The following NUP210 variants were observed in gnomAD, a reference collection of about 807,000 sequenced individuals.
NUP210 encodes the protein nuclear pore membrane glycoprotein 210.
In NUP210, 151 loss-of-function variants were observed where a neutral mutation model predicts 196.0. The ratio of observed to expected loss-of-function variants is 0.77; its 90% CI spans 0.67 to 0.88. The LOEUF (loss-of-function observed/expected upper bound fraction) is 0.88, where lower values mean the gene tolerates loss of function less well. Among genes scored for constraint, NUP210 ranks in the 40% least tolerant of loss-of-function variants. NUP210 has a pLI of 0.00. For missense variants in NUP210, 2,314 were observed against 2,493.7 expected, an observed-to-expected ratio of 0.93 and a Z score of 1.53; for synonymous variants, 1,070 against 1,052.7, an observed-to-expected ratio of 1.02 and a Z score of -0.32.
chr3:13,348,302 A>G lies in NUP210; in HGVS notation c.2835+3577T>C, dbSNP rs1697830270. ...TCCAGAGACAGGGAGCTCACTACCT[A>G]CAGCGGCAGCCTAGTCCATCACCGA... On this transcript the variant is annotated intron_variant, in intron 20 of 39. Transcript: ENST00000254508. This position sits in a 1 kb window ranked among gnomAD's most constrained non-coding sequence, Gnocchi z 4.0. 3.6e-6 allele frequency: 3 copies of G among 842,928 alleles called. No individual in the cohort carries two copies. 52.2% of individuals were successfully genotyped at this position (842,928 alleles called of 1,614,324 possible). A position where few individuals can be genotyped will look rare whatever the true frequency, so the allele number is the denominator to read the frequency against.
intron 3 of NUP210, among the ~76,000 whole-genome samples, chr3:13,391,860 C>A (rs1200469607): frequency 6.6e-6 from 1 of 151,960 alleles, no homozygotes; most frequent in Non-Finnish European, 1.5e-5. Context: ...CCAGGCCCAG[C>A]CAGCCTTGGC....
At chr3:13,320,975 C>T (rs913222475) in intron 36 of NUP210, among the ~76,000 whole-genome samples, 9 of 152,268 alleles carry the variant, frequency 5.9e-5, no homozygotes, top group Admixed American at 4.6e-4. Flanking sequence ...CTGCTCACGC[C>T]GCCAGCGGGC....
At chr3:13,416,048 C>T (rs1700338904) in intron 1 of NUP210, among the ~76,000 whole-genome samples, 1 of 152,142 alleles carries the variant, frequency 6.6e-6, no homozygotes, top group South Asian at 2.1e-4. Flanking sequence ...CAGCATGCCC[C>T]AAGGCCAAGC....
In NUP210 at chr3:13,371,952, G is replaced by A. The variant is rs1446908510; in HGVS notation, c.1668C>T (p.Pro556=). The A allele has an allele frequency of 3.1e-6, 5 of 1,605,228 alleles. No homozygotes were observed. The highest frequency in any genetic ancestry group is 2.2e-5 in the South Asian group (2 of 89,356). The change falls in exon 13 of 40, where the codon CCC becomes CCT. Residue 556 remains proline, a synonymous_variant. Transcript: ENST00000254508. ...CGGGCATGAGGCCACTGATCCTCAG[G>A]GGCAGCTCCAGGGCCTGGCCCACAC... ...EARVGQALEL[P]LRISGLMPGG...
At chr3:13,372,331 T>A (rs549048907) in intron 12 of NUP210, among the ~76,000 whole-genome samples, 1 of 152,286 alleles carries the variant, frequency 6.6e-6, no homozygotes, top group Non-Finnish European at 1.5e-5. Context: ...GCCAGCACCT[T>A]GGAGGAACAT....
At chr3:13,325,481 G>A (rs1382435044) in intron 33 of NUP210, among the ~76,000 whole-genome samples, 1 of 152,182 alleles carries the variant, frequency 6.6e-6, no homozygotes, top group Non-Finnish European at 1.5e-5. Context: ...GCAGGTGACA[G>A]GGAAGCACCG....
Position 13,360,284 on chromosome 3 carries a change from C to A in NUP210, c.2140G>T (p.Ala714Ser). The change falls in exon 15 of 40, where the codon GCC becomes TCC. Residue 714 changes from alanine (A) to serine (S), a missense_variant. Ala to Ser is a moderately conservative substitution (Grantham distance 99). Coordinates refer to ENST00000254508, the MANE Select transcript of NUP210 (RefSeq NM_024923.4). The stretch of plus-strand genomic sequence containing the variant: ...TGCCCACTCACCTGCTCACCCAAGG[C>A]CTGACAGGTCACAAGGATCCAGTGT... ...QQHWILVTCQ[A>S]LGEQVIALSV... 2 of 1,614,156 alleles carry A rather than the reference C, an allele frequency of 1.2e-6. No individual in the cohort carries two copies. The highest frequency in any genetic ancestry group is 1.6e-4 in the Middle Eastern group (1 of 6,062).
In NUP210 at chr3:13,339,919, C is replaced by G. The variant is rs114096350; in HGVS notation, c.3406G>C (p.Gly1136Arg). Reference protein sequence around the residue: ...GLVQGLAIGNGTVSGLVQAVD... With the variant: ...GLVQGLAIGNRTVSGLVQAVD... ...GCCTGCACGAGCCCAGACACAGTGC[C>G]GTTCCCGATGGCGAGGCCCTGTACC... Residue 1136 changes from glycine (G) to arginine (R), a missense_variant, in exon 25 of 40, where the codon GGC becomes CGC. Physicochemically the swap from Gly to Arg is moderately radical, Grantham distance 125. Transcript: ENST00000254508. The G allele has an allele frequency of 6.2e-7, 1 of 1,614,044 alleles. No homozygotes were observed. The highest frequency in any genetic ancestry group is 2.2e-5 in the East Asian group (1 of 44,890).
At chr3:13,392,320 T>C (rs1699517377) in intron 3 of NUP210, among the ~76,000 whole-genome samples, 1 of 152,188 alleles carries the variant, frequency 6.6e-6, no homozygotes, top group African/African-American at 2.4e-5. Context: ...CAGGGCATCT[T>C]TAATGAAGAG....
rs201229682 is a variant in NUP210, at chr3:13,351,861, C to A, written c.2835+18G>T. On this transcript the variant is annotated intron_variant, in intron 20 of 39. Coordinates refer to ENST00000254508, the MANE Select transcript of NUP210 (RefSeq NM_024923.4). ...AAGGAATGAAAACCAACAGTGGGGA[C>A]CGATGGCCCAAGCTTACCATGGCGA... 1.3e-6 allele frequency: 2 copies of A among 1,545,942 alleles called. No homozygotes were observed. Among genetic ancestry groups the A allele is most frequent in the East Asian group, 2.2e-5 (1 of 44,582 alleles).
rs1179771996 is a variant in NUP210, at chr3:13,340,861, C to T, written c.3229-563G>A. On this transcript the variant is annotated intron_variant, in intron 23 of 39. Transcript: ENST00000254508. This position sits in a 1 kb window ranked among gnomAD's most constrained non-coding sequence, Gnocchi z 4.0. ...CAGGTGAAGCCCCCACCTGCTCCTC[C>T]TGAAACCCCTACAAGAGCCTGCCTG... Among the ~76,000 whole-genome samples, 1 of 152,148 alleles carries T rather than the reference C, an allele frequency of 6.6e-6. No individual in the cohort carries two copies. The highest frequency in any genetic ancestry group is 6.5e-5 in the Admixed American group (1 of 15,286).
intron 14 of NUP210, among the ~76,000 whole-genome samples, chr3:13,364,955 T>A (rs1559330047): frequency 6.6e-6 from 1 of 152,184 alleles, no homozygotes; most frequent in African/African-American, 2.4e-5. Flanking sequence ...TCTTCAAGGC[T>A]GACACTGGGA....
intron 6 of NUP210, among the ~76,000 whole-genome samples, chr3:13,382,733 G>T (rs1487755896): frequency 2.0e-5 from 3 of 152,192 alleles, no homozygotes; most frequent in Non-Finnish European, 1.5e-5. Flanking sequence ...CAGGATGCCG[G>T]GCAAGACAGG....
At chr3:13,343,336 T>TGGGGGGG in intron 20 of NUP210, 33 bp from the exon 21 acceptor site, 2 of 260,388 alleles carry the variant, frequency 7.7e-6, no homozygotes, top group Admixed American at 5.5e-5. Flanking sequence ...GAGGGGTGGG[T>TGGGGGGG]GGTGGGTTAC....
chr3:13,354,131 T>C (rs1449630407), intron 16 of NUP210, 24 bp from the exon 17 acceptor site: 1 of 1,561,778 alleles, frequency 6.4e-7, no homozygotes, highest in African/African-American at 1.4e-5. Context: ...AGGTCAGATG[T>C]TGTGGTCACC....
intron 12 of NUP210, among the ~76,000 whole-genome samples, chr3:13,373,077 G>C (rs1443153786): frequency 6.6e-6 from 1 of 152,198 alleles, no homozygotes; most frequent in Non-Finnish European, 1.5e-5. Flanking sequence ...AATACTGTAA[G>C]AGCAGGCTGC....
Position 13,397,346 on chromosome 3 carries a change from G to T in NUP210, c.436+11C>A, listed in dbSNP as rs1407143774. 6.2e-7 allele frequency: 1 copy of T among 1,608,098 alleles called. No individual in the cohort carries two copies. The highest frequency in any genetic ancestry group is 2.2e-5 in the East Asian group (1 of 44,454). On this transcript the variant is annotated intron_variant, in intron 3 of 39. Coordinates refer to ENST00000254508, the MANE Select transcript of NUP210 (RefSeq NM_024923.4). ...GGCTGCAGAAGACAAACAGGCAGGG[G>T]ACGTTCTCACCTTCGGAGTCCAGGG...
chr3:13,327,171 A>T, intron 32 of NUP210, 46 bp downstream of exon 32: 1 of 1,520,636 alleles, frequency 6.6e-7, no homozygotes, highest in African/African-American at 1.4e-5. Context: ...CCAGCTTTGC[A>T]AGCGTCCGTG....
rs570377171 is a variant in NUP210 at position 13,376,460 on chromosome 3, G to A, written c.1153-29C>T. On this transcript the variant is annotated intron_variant, in intron 9 of 39. Coordinates refer to ENST00000254508, the MANE Select transcript of NUP210 (RefSeq NM_024923.4). ...GAAGGTGAGGCAGGACAGGAGAGAG[G>A]TGCTTCTGGGGTGACTCCAGAAAGT... The A allele has an allele frequency of 5.6e-5, 90 of 1,613,578 alleles. No individual in the cohort carries two copies. The South Asian group carries it at 9.1e-4, about 16-fold the overall frequency.
Sources: gnomAD v4.1 joint callset for allele counts (sites outside exome capture counted in the v4.1 genomes callset) on GRCh38, gnomAD v4.1.1 for gene constraint, Gnocchi (gnomAD v3.1) non-coding constraint, MANE v1.5 for transcripts, NCBI Gene and HGNC (gene_info 2026-07-23, HGNC 2026-07-21) for gene names.